Variants in DHRS7B observed in about 807,000 individuals in gnomAD.
DHRS7B encodes the protein dehydrogenase/reductase 7B, also known as peroxisomal reductase activating PPAR-gamma.
In DHRS7B, 24 loss-of-function variants were observed where a neutral mutation model predicts 26.4. That is an observed-to-expected ratio of 0.91 (90% CI 0.66 to 1.28). The LOEUF is 1.28. DHRS7B is among the 50% of genes most tolerant of loss of function. DHRS7B has a pLI of 0.00. For missense variants in DHRS7B, 368 were observed against 419.4 expected (o/e 0.88, Z 1.07); for synonymous variants, 142 against 166.4 (o/e 0.85, Z 1.13).
chr17:21,182,414 A>G (rs1281142956), intron 3 of DHRS7B, among the ~76,000 whole-genome samples: 1 of 151,812 alleles, frequency 6.6e-6, no homozygotes, highest in Non-Finnish European at 1.5e-5. Context: ...ATGCCCAGCT[A>G]GTTTTGTATT....
At chr17:21,163,111 G>A (rs1009263280) in intron 1 of DHRS7B, among the ~76,000 whole-genome samples, 6 of 151,528 alleles carry the variant, frequency 4.0e-5, no homozygotes, top group African/African-American at 7.3e-5. Context: ...CAGGAGAATC[G>A]CTTGAACCCG....
intron 1 of DHRS7B, among the ~76,000 whole-genome samples, chr17:21,147,621 A>AC (rs1025472519): frequency 1.4e-4 from 22 of 152,162 alleles, no homozygotes; most frequent in African/African-American, 5.1e-4. Flanking sequence ...CCTGCAAGTC[A>AC]CCATTTTTGC....
chr17:21,135,124 A>G (rs557482137), intron 1 of DHRS7B, among the ~76,000 whole-genome samples: 47 of 152,348 alleles, frequency 3.1e-4, no homozygotes, highest in African/African-American at 1.1e-3. Context: ...GACAATTGAC[A>G]AGGAAATTTG....
intron 1 of DHRS7B, among the ~76,000 whole-genome samples, chr17:21,147,788 C>T (rs1296378746): frequency 1.3e-5 from 2 of 152,192 alleles, no homozygotes; most frequent in African/African-American, 4.8e-5. Flanking sequence ...GGAGGCAGGT[C>T]TGCCATCCCC....
At chr17:21,180,881 T>C (rs1213502890) in intron 3 of DHRS7B, among the ~76,000 whole-genome samples, 2 of 152,218 alleles carry the variant, frequency 1.3e-5, no homozygotes, top group African/African-American at 4.8e-5. Flanking sequence ...TCGAATCTAT[T>C]GGTCCCTTTG....
intron 1 of DHRS7B, among the ~76,000 whole-genome samples, chr17:21,155,140 CA>C (rs1433043101): frequency 3.9e-5 from 6 of 152,074 alleles, no homozygotes; most frequent in African/African-American, 1.4e-4. Context: ...CCAGCTATGT[CA>C]ATAATCACTT....
intron 1 of DHRS7B, among the ~76,000 whole-genome samples, chr17:21,148,739 G>T (rs1252040264): frequency 1.3e-5 from 2 of 151,872 alleles, no homozygotes; most frequent in South Asian, 4.1e-4. Flanking sequence ...GAGCGAGATT[G>T]TAAAAAACAA....
intron 1 of DHRS7B, among the ~76,000 whole-genome samples, chr17:21,150,354 T>G (rs1005319409): frequency 6.6e-6 from 1 of 152,300 alleles, no homozygotes. Context: ...TGGTGGCTCA[T>G]GCCTGTAATC....
intron 3 of DHRS7B, among the ~76,000 whole-genome samples, chr17:21,178,971 C>T (rs1974452762): frequency 6.6e-6 from 1 of 150,396 alleles, no homozygotes; most frequent in African/African-American, 2.4e-5. Flanking sequence ...TTTTCTTAGG[C>T]TCTTGCTCTG....
At chr17:21,169,223 A>C (rs1348805565) in intron 1 of DHRS7B, among the ~76,000 whole-genome samples, 1 of 152,202 alleles carries the variant, frequency 6.6e-6, no homozygotes, top group Non-Finnish European at 1.5e-5. Flanking sequence ...AAAATATAGA[A>C]GTTAAACAAC....
chr17:21,128,921 AC>A (rs1310098405), intron 1 of DHRS7B: 18 of 151,856 alleles, frequency 1.2e-4, no homozygotes, highest in Admixed American at 1.1e-3. Flanking sequence ...AACAACAACA[AC>A]AACAACAACA....
intron 1 of DHRS7B, chr17:21,168,687 T>A: frequency 2.0e-6 from 2 of 984,848 alleles, no homozygotes; most frequent in Non-Finnish European, 2.4e-6. Context: ...GGCTTTTAAT[T>A]TGCTTTGCAT....
chr17:21,155,717 G>T (rs886893316), intron 1 of DHRS7B, among the ~76,000 whole-genome samples: 1 of 152,068 alleles, frequency 6.6e-6, no homozygotes, highest in Non-Finnish European at 1.5e-5. Flanking sequence ...CACATTCTAG[G>T]CCACAAAACA....
chr17:21,167,858 A>G (rs558613592), intron 1 of DHRS7B, among the ~76,000 whole-genome samples: 1 of 152,394 alleles, frequency 6.6e-6, no homozygotes, highest in Non-Finnish European at 1.5e-5. Context: ...TGATAAATAT[A>G]TTAAAGTTTA....
intron 5 of DHRS7B, 83 bp from the exon 6 acceptor site, chr17:21,188,628 C>A: frequency 1.4e-6 from 2 of 1,403,322 alleles, no homozygotes; most frequent in Non-Finnish European, 1.9e-6. Flanking sequence ...AAACAGAGAG[C>A]GTGAATGGTA....
chr17:21,142,079 C>T (rs1390581841), intron 1 of DHRS7B, among the ~76,000 whole-genome samples: 1 of 152,164 alleles, frequency 6.6e-6, no homozygotes, highest in Non-Finnish European at 1.5e-5. Flanking sequence ...AAGGGAGTGG[C>T]TTTCATCAGC....
chr17:21,162,748 A>G (rs574132082), intron 1 of DHRS7B, among the ~76,000 whole-genome samples: 2 of 152,358 alleles, frequency 1.3e-5, no homozygotes, highest in East Asian at 3.9e-4. Flanking sequence ...AGGAGTTATC[A>G]AAGAGGACAG....
In DHRS7B at chr17:21,154,943, G is replaced by C. The variant is rs547272619; in HGVS notation, c.21-17075G>C. Among the ~76,000 whole-genome samples, 7 of 151,870 alleles carry C rather than the reference G, an allele frequency of 4.6e-5. 1 individual carries two copies. In the East Asian group the frequency reaches 1.4e-3, roughly 29 times the overall value. Reference sequence around the variant, plus strand: ...TGGAAATGTATACTGTAAACTCTAGGGCAACCACTAAAAAAAGTTTTTTTA... The same window carrying C: ...TGGAAATGTATACTGTAAACTCTAGCGCAACCACTAAAAAAAGTTTTTTTA... On this transcript the variant is annotated intron_variant, in intron 1 of 6. Coordinates refer to ENST00000395511, the MANE Select transcript of DHRS7B (RefSeq NM_015510.5).
At chr17:21,147,574 A>T (rs1973669385) in intron 1 of DHRS7B, among the ~76,000 whole-genome samples, 1 of 152,220 alleles carries the variant, frequency 6.6e-6, no homozygotes. Flanking sequence ...GGACTTCCAT[A>T]TCCCTTCTGC....
Sources: allele counts gnomAD v4.1 joint callset (sites outside exome capture counted in the v4.1 genomes callset), GRCh38; gene constraint gnomAD v4.1.1; transcripts MANE v1.5; gene names NCBI Gene and HGNC (gene_info 2026-07-23, HGNC 2026-07-21).